CNTNAP2: variants seen among roughly 807,000 people sequenced by gnomAD.
CNTNAP2 encodes contactin associated protein 2, also known as contactin-associated protein-like 2.
CNTNAP2 carries 98 observed loss-of-function variants against 155.2 expected under a neutral mutation model. The observed-to-expected ratio is 0.63, with a 90% CI of 0.54 to 0.75. The LOEUF (loss-of-function observed/expected upper bound fraction) is 0.75, where lower values mean the gene tolerates loss of function less well. CNTNAP2 is among the 30% of genes least tolerant of loss of function. The probability of loss-of-function intolerance (pLI) is 0.00; values close to 1 mark genes in which losing one functional copy is unlikely to be tolerated. For synonymous variants in CNTNAP2, 651 were observed against 631.2 expected (o/e 1.03, Z -0.47); for missense variants, 1,727 against 1,688.1 (o/e 1.02, Z -0.40).
intron 3 of CNTNAP2, among the ~76,000 whole-genome samples, chr7:146,897,116 C>G (rs1404784512): frequency 6.6e-6 from 1 of 152,046 alleles, no homozygotes. Context: ...AGACAAAAGT[C>G]AAAACGTCAC....
chr7:148,032,272 G>A (rs1802491953), intron 15 of CNTNAP2, among the ~76,000 whole-genome samples: 1 of 152,070 alleles, frequency 6.6e-6, no homozygotes, highest in African/African-American at 2.4e-5. Flanking sequence ...ATATCTACAG[G>A]GGCACTGGGG....
intron 4 of CNTNAP2, among the ~76,000 whole-genome samples, chr7:147,075,944 C>T (rs192113983): frequency 2.0e-5 from 3 of 152,156 alleles, no homozygotes; most frequent in Non-Finnish European, 2.9e-5. Context: ...ATCCATTTCC[C>T]TACAAAGAAC....
chr7:146,744,153 G>T (rs932348827), intron 1 of CNTNAP2, among the ~76,000 whole-genome samples: 2 of 150,018 alleles, frequency 1.3e-5, no homozygotes, highest in Admixed American at 6.7e-5. Context: ...GCTGGAACCT[G>T]GGGGGAAGAG....
At chr7:147,120,026 A>G (rs913956869) in intron 5 of CNTNAP2, among the ~76,000 whole-genome samples, 9 of 152,286 alleles carry the variant, frequency 5.9e-5, no homozygotes, top group African/African-American at 1.9e-4. Context: ...TTTTGTTGCT[A>G]TGGAGATCTT....
chr7:147,344,688 G>A lies in CNTNAP2; in HGVS notation c.1498+44398G>A, dbSNP rs149455144. Among the ~76,000 whole-genome samples, 712 of 152,250 alleles carry A rather than the reference G, an allele frequency of 4.7e-3. 11 individuals are homozygous for A. Among genetic ancestry groups the A allele is most frequent in the African/African-American group, 0.016 (672 of 41,544 alleles). Reference sequence around the variant, plus strand: ...TATGAGACAATTTTGAATAATATGTGTGAAATTAGTTTTCTCCTACTTGTC... The same window carrying A: ...TATGAGACAATTTTGAATAATATGTATGAAATTAGTTTTCTCCTACTTGTC... On this transcript the variant is annotated intron_variant, in intron 9 of 23. Coordinates refer to ENST00000361727, the MANE Select transcript of CNTNAP2 (RefSeq NM_014141.6).
intron 13 of CNTNAP2, among the ~76,000 whole-genome samples, chr7:147,737,754 G>A (rs1038067355): frequency 6.6e-6 from 1 of 152,184 alleles, no homozygotes; most frequent in Non-Finnish European, 1.5e-5. Context: ...CTGCCTTGCG[G>A]TTTGATCTCA....
chr7:146,417,841 A>G (rs1795958996), intron 1 of CNTNAP2, among the ~76,000 whole-genome samples: 1 of 152,176 alleles, frequency 6.6e-6, no homozygotes, highest in Admixed American at 6.6e-5. Flanking sequence ...AATCATAAAC[A>G]TCTTCACCAG....
chr7:147,825,226 T>TAA (rs1382209409), intron 13 of CNTNAP2, among the ~76,000 whole-genome samples: 1 of 152,182 alleles, frequency 6.6e-6, no homozygotes, highest in Non-Finnish European at 1.5e-5. Flanking sequence ...AATATATACT[T>TAA]ATTTGTCTCT....
intron 15 of CNTNAP2, among the ~76,000 whole-genome samples, chr7:147,985,148 A>G (rs10272942): frequency 4.8e-4 from 73 of 151,404 alleles, no homozygotes; most frequent in African/African-American, 1.5e-3. Context: ...ATAAATAAAT[A>G]ACTATTTACA....
chr7:147,976,291 C>T (rs1036316550), intron 14 of CNTNAP2, among the ~76,000 whole-genome samples: 3 of 152,134 alleles, frequency 2.0e-5, no homozygotes, highest in Non-Finnish European at 2.9e-5. Context: ...TATCAAATTA[C>T]CATATGCTGT....
chr7:146,895,353 CTCTT>C (rs1352413740), intron 3 of CNTNAP2, among the ~76,000 whole-genome samples: 6 of 147,814 alleles, frequency 4.1e-5, no homozygotes, highest in African/African-American at 9.9e-5. Context: ...CTCTCTTTCT[CTCTT>C]TCTTTTTTCC....
At chr7:147,327,055 C>G (rs1022635269) in intron 9 of CNTNAP2, among the ~76,000 whole-genome samples, 1 of 152,152 alleles carries the variant, frequency 6.6e-6, no homozygotes, top group Non-Finnish European at 1.5e-5. Flanking sequence ...GCTAATTTTT[C>G]TTTTGTTGGT....
intron 8 of CNTNAP2, among the ~76,000 whole-genome samples, chr7:147,279,273 G>T (rs1804973431): frequency 6.6e-6 from 1 of 151,510 alleles, no homozygotes; most frequent in Non-Finnish European, 1.5e-5. Flanking sequence ...AAAATATAAT[G>T]CTATAATTTC....
intron 1 of CNTNAP2, among the ~76,000 whole-genome samples, chr7:146,157,003 C>G (rs567748214): frequency 7.9e-5 from 12 of 152,216 alleles, no homozygotes; most frequent in African/African-American, 1.9e-4. Context: ...CAGGCACAGA[C>G]AGGTTGGAGG....
chr7:147,356,021 A>T (rs1254425385), intron 9 of CNTNAP2, among the ~76,000 whole-genome samples: 1 of 152,130 alleles, frequency 6.6e-6, no homozygotes, highest in Admixed American at 6.6e-5. Flanking sequence ...AGGAACATTG[A>T]TGCAAAAATC....
chr7:147,953,732 G>T (rs1320956325), intron 14 of CNTNAP2, among the ~76,000 whole-genome samples: 2 of 152,048 alleles, frequency 1.3e-5, no homozygotes, highest in African/African-American at 4.8e-5. Context: ...TATCAGCAGG[G>T]CCATGATCTC....
At chr7:146,556,125 T>C (rs1482207684) in intron 1 of CNTNAP2, among the ~76,000 whole-genome samples, 1 of 152,212 alleles carries the variant, frequency 6.6e-6, no homozygotes, top group South Asian at 2.1e-4. Flanking sequence ...ATGGAATATT[T>C]CATGGTTATA....
At chr7:147,008,729 C>A (rs1288506333) in intron 3 of CNTNAP2, among the ~76,000 whole-genome samples, 1 of 152,024 alleles carries the variant, frequency 6.6e-6, no homozygotes, top group Non-Finnish European at 1.5e-5. Context: ...CTGCGGCCAG[C>A]AAATTGTGGA....
chr7:148,120,027 A>T (rs904742842), intron 16 of CNTNAP2, among the ~76,000 whole-genome samples: 1 of 151,522 alleles, frequency 6.6e-6, no homozygotes, highest in Non-Finnish European at 1.5e-5. Flanking sequence ...CTATTTTCTG[A>T]CTTCTACATA....
Sources: allele counts gnomAD v4.1 joint callset (sites outside exome capture counted in the v4.1 genomes callset), GRCh38; gene constraint gnomAD v4.1.1; transcripts MANE v1.5; gene names NCBI Gene and HGNC (gene_info 2026-07-23, HGNC 2026-07-21).